WDR25: variants seen among roughly 807,000 people sequenced by gnomAD.
The protein encoded by WDR25 is WD repeat domain 25.
In WDR25, 35 loss-of-function variants were observed where a neutral mutation model predicts 47.7. That is an observed-to-expected ratio of 0.73 (90% CI 0.56 to 0.97). The LOEUF is 0.97. WDR25 is among the 50% of genes least tolerant of loss of function. WDR25 has a pLI of 0.00. For missense variants in WDR25, 634 were observed against 704.7 expected (o/e 0.90, Z 1.14); for synonymous variants, 248 against 278.9 (o/e 0.89, Z 1.10).
In WDR25 at chr14:100,472,042, C is replaced by T. The variant is rs139285710; in HGVS notation, c.970+3874C>T. On this transcript the variant is annotated intron_variant, in intron 3 of 6. Transcript: ENST00000402312. Reference sequence around the variant, plus strand: ...CTCAGCCAGTCTCCTCAGAATCCCCCGGAGAGCTCCCTCAGTTCTAAGCGG... The same window carrying T: ...CTCAGCCAGTCTCCTCAGAATCCCCTGGAGAGCTCCCTCAGTTCTAAGCGG... Among the ~76,000 whole-genome samples, 16 of 152,336 alleles carry T rather than the reference C, an allele frequency of 1.1e-4. No homozygotes were observed. In the East Asian group the frequency reaches 1.9e-3, roughly 18 times the overall value.
At chr14:100,466,024 G>A (rs951726071) in intron 2 of WDR25, among the ~76,000 whole-genome samples, 3 of 152,104 alleles carry the variant, frequency 2.0e-5, no homozygotes, top group Admixed American at 6.6e-5. Flanking sequence ...TGTAGATCTC[G>A]TTTATTTTAC....
At chr14:100,433,116 T>C (rs1335242867) in intron 2 of WDR25, among the ~76,000 whole-genome samples, 2 of 152,256 alleles carry the variant, frequency 1.3e-5, no homozygotes. Flanking sequence ...CTACTGTACA[T>C]ACCTTATTGA....
chr14:100,386,399 A>G (rs1897018291), intron 2 of WDR25, among the ~76,000 whole-genome samples: 1 of 152,230 alleles, frequency 6.6e-6, no homozygotes, highest in Non-Finnish European at 1.5e-5. Flanking sequence ...AATCTTCTGT[A>G]ACGTGTAAGG....
At chr14:100,399,900 T>C (rs1300397606) in intron 2 of WDR25, among the ~76,000 whole-genome samples, 1 of 152,168 alleles carries the variant, frequency 6.6e-6, no homozygotes, top group Non-Finnish European at 1.5e-5. Flanking sequence ...TTACATTAAC[T>C]GAGGGAAAAA....
At chr14:100,481,023 C>A in intron 3 of WDR25, 1 of 427,024 alleles carries the variant, frequency 2.3e-6, no homozygotes, top group South Asian at 1.8e-5. Flanking sequence ...GTGCAGTTGT[C>A]AGCTAAACCT....
chr14:100,441,413 G>A (rs1595091478), intron 2 of WDR25, among the ~76,000 whole-genome samples: 1 of 152,128 alleles, frequency 6.6e-6, no homozygotes, highest in Non-Finnish European at 1.5e-5. Flanking sequence ...GCAGGGGGTG[G>A]TTTGCGTCTT....
At chr14:100,504,822 A>ACCATTTTGC (rs1901058205) in intron 4 of WDR25, 1 of 152,294 alleles carries the variant, frequency 6.6e-6, no homozygotes, top group East Asian at 1.9e-4. Flanking sequence ...AAGTGGTTGT[A>ACCATTTTGC]CCATTTTGCA....
intron 2 of WDR25, among the ~76,000 whole-genome samples, chr14:100,409,985 C>G (rs1897659199): frequency 6.6e-6 from 1 of 152,188 alleles, no homozygotes; most frequent in South Asian, 2.1e-4. Flanking sequence ...TTACTCACCC[C>G]CTTCCATCTC....
intron 2 of WDR25, among the ~76,000 whole-genome samples, chr14:100,422,029 T>G (rs1176524653): frequency 6.6e-6 from 1 of 152,234 alleles, no homozygotes; most frequent in Non-Finnish European, 1.5e-5. Context: ...GTGTTCCAGT[T>G]TTTTATTGCT....
chr14:100,529,422 C>T lies in WDR25; in HGVS notation c.1413+214C>T. On this transcript the variant is annotated intron_variant, in intron 6 of 6. Transcript: ENST00000402312. The surrounding 1 kb of genome is among the most constrained non-coding windows in gnomAD (Gnocchi z 5.1). ...CAGGCCCCACGTACTGGGCAGGAAG[C>T]AGTAGTTGGCTCACACAGACAGGTC... 1 of 698,428 alleles carries T rather than the reference C, an allele frequency of 1.4e-6. No individual in the cohort carries two copies. The highest frequency in any genetic ancestry group is 2.8e-5 in the East Asian group (1 of 35,990). The allele number at this position is 698,428 out of a possible 1,614,324, so 43.3% of individuals were successfully genotyped here.
Position 100,381,077 on chromosome 14 carries a change from A to T in WDR25, c.153A>T (p.Ala51=), listed in dbSNP as rs1285483605. 1 of 1,614,126 alleles carries T rather than the reference A, an allele frequency of 6.2e-7. No individual in the cohort carries two copies. The highest frequency in any genetic ancestry group is 1.3e-5 in the African/African-American group (1 of 74,942). ...GVARPPGQDF[A]SGTLDVPKAG... ...CCAGACCACCTGGGCAGGATTTTGC[A>T]TCTGGTACACTGGATGTGCCCAAAG... Residue 51 remains alanine (A), a synonymous_variant, in exon 2 of 7, where the codon GCA becomes GCT. Transcript: ENST00000402312.
chr14:100,510,737 A>AAATAATAATAATAATAATAAT (rs556858291), intron 4 of WDR25, among the ~76,000 whole-genome samples: 3,381 of 146,922 alleles, frequency 0.023, 154 homozygotes, highest in African/African-American at 0.082. Flanking sequence ...CACCATCTCA[A>AAATAATAATAATAATAATAAT]AATAATAATA....
At chr14:100,513,892 A>G (rs1210248764) in intron 4 of WDR25, among the ~76,000 whole-genome samples, 3 of 150,486 alleles carry the variant, frequency 2.0e-5, no homozygotes, top group Non-Finnish European at 4.4e-5. Flanking sequence ...TAATATAGAC[A>G]TTCCTGGCTT....
chr14:100,454,087 A>G (rs937839609), intron 2 of WDR25, among the ~76,000 whole-genome samples: 2 of 152,226 alleles, frequency 1.3e-5, no homozygotes, highest in Non-Finnish European at 2.9e-5. Context: ...TGTTGCTGCA[A>G]ATGTGAGCCC....
intron 3 of WDR25, among the ~76,000 whole-genome samples, chr14:100,470,452 C>G (rs924034293): frequency 1.3e-5 from 2 of 152,196 alleles, no homozygotes; most frequent in East Asian, 1.9e-4. Flanking sequence ...GCATTATTCT[C>G]TCAATCAACA....
At chr14:100,484,250 A>C in intron 4 of WDR25, 126 bp downstream of exon 4, 1 of 1,109,832 alleles carries the variant, frequency 9.0e-7, no homozygotes, top group Non-Finnish European at 1.2e-6. Flanking sequence ...CTTAATATTT[A>C]ATCAGTGCTA....
chr14:100,514,096 C>T (rs561366360), intron 4 of WDR25, among the ~76,000 whole-genome samples: 8 of 151,882 alleles, frequency 5.3e-5, no homozygotes, highest in East Asian at 1.9e-4. Context: ...CCACCACGCC[C>T]GGCTAATTTT....
chr14:100,422,279 G>A (rs1397910367), intron 2 of WDR25, among the ~76,000 whole-genome samples: 3 of 152,116 alleles, frequency 2.0e-5, no homozygotes, highest in African/African-American at 7.2e-5. Context: ...TATTACATGT[G>A]GCCTCTCCAT....
Position 100,529,593 on chromosome 14 carries a change from C to CTCT in WDR25, c.1414-226_1414-225insCTT. On this transcript the variant is annotated intron_variant, in intron 6 of 6. Coordinates refer to ENST00000402312, the MANE Select transcript of WDR25 (RefSeq NM_001161476.3). This position sits in a 1 kb window ranked among gnomAD's most constrained non-coding sequence, Gnocchi z 5.1. ...ACTGAGGCCAGACCCCTCAGCTGGG[C>CTCT]TGGAGCTGGTCCCGCTGGATCTGCT... 1.6e-6 allele frequency: 1 copy of CTCT among 611,114 alleles called. No individual in the cohort carries two copies. Among genetic ancestry groups the CTCT allele is most frequent in the Non-Finnish European group, 2.9e-6 (1 of 348,848 alleles). 37.9% of individuals were successfully genotyped at this position (611,114 alleles called of 1,614,324 possible). A position where few individuals can be genotyped will look rare whatever the true frequency, so the allele number is the denominator to read the frequency against.
Sources: allele counts gnomAD v4.1 joint callset (sites outside exome capture counted in the v4.1 genomes callset), GRCh38; gene constraint gnomAD v4.1.1; non-coding constraint Gnocchi (gnomAD v3.1); transcripts MANE v1.5; gene names NCBI Gene and HGNC (gene_info 2026-07-23, HGNC 2026-07-21).